NRXN3: variants seen among roughly 807,000 people sequenced by gnomAD.
NRXN3 encodes neurexin 3, also known as neurexin III.
Under a neutral mutation model 137.6 loss-of-function variants are expected in NRXN3, and 32 were observed. The ratio of observed to expected loss-of-function variants is 0.23; its 90% confidence interval spans 0.18 to 0.31. The LOEUF is 0.31. Among genes scored for constraint, NRXN3 ranks in the 10% least tolerant of loss-of-function variants. The probability of loss-of-function intolerance (pLI) is 1.00; values close to 1 mark genes in which losing one functional copy is unlikely to be tolerated. For synonymous variants in NRXN3, 798 were observed against 784.5 expected (o/e 1.02, Z -0.29); for missense variants, 1,574 against 2,062.5 (o/e 0.76, Z 4.59).
At chr14:79,461,891 T>G (rs2096348192) in intron 15 of NRXN3, among the ~76,000 whole-genome samples, 1 of 152,112 alleles carries the variant, frequency 6.6e-6, no homozygotes. Flanking sequence ...ACCTTACCAT[T>G]ATGAGATTTT....
chr14:79,221,017 T>G (rs1158440399), intron 15 of NRXN3, among the ~76,000 whole-genome samples: 1 of 152,058 alleles, frequency 6.6e-6, no homozygotes, highest in Admixed American at 6.6e-5. Flanking sequence ...GGTTTTCTGT[T>G]CCTGTATTAG....
intron 15 of NRXN3, among the ~76,000 whole-genome samples, chr14:79,431,259 T>A (rs1037486610): frequency 1.3e-5 from 2 of 152,228 alleles, no homozygotes; most frequent in African/African-American, 4.8e-5. Flanking sequence ...CAAGCTTGTG[T>A]AGACCTTTGT....
intron 4 of NRXN3, among the ~76,000 whole-genome samples, chr14:78,388,319 A>G (rs530349105): frequency 1.3e-5 from 2 of 152,320 alleles, no homozygotes; most frequent in African/African-American, 4.8e-5. Flanking sequence ...AATGGAGCCT[A>G]CAGCACTGTA....
At chr14:79,217,618 T>A (rs1219115306) in intron 15 of NRXN3, among the ~76,000 whole-genome samples, 1 of 152,168 alleles carries the variant, frequency 6.6e-6, no homozygotes, top group Non-Finnish European at 1.5e-5. Flanking sequence ...CTAGGCAGGT[T>A]AGCATACATA....
chr14:79,508,326 C>T (rs1476928056), intron 16 of NRXN3, among the ~76,000 whole-genome samples: 1 of 146,322 alleles, frequency 6.8e-6, no homozygotes, highest in Admixed American at 7.0e-5. Flanking sequence ...CCAGTGACTA[C>T]AGCCCTAAGG....
intron 15 of NRXN3, among the ~76,000 whole-genome samples, chr14:79,002,223 T>G (rs924018803): frequency 6.6e-6 from 1 of 152,164 alleles, no homozygotes; most frequent in Non-Finnish European, 1.5e-5. Flanking sequence ...GTATTTTTTA[T>G]TTTTAGTTCT....
At chr14:79,703,779 T>A (rs560131344) in intron 19 of NRXN3, among the ~76,000 whole-genome samples, 1 of 152,258 alleles carries the variant, frequency 6.6e-6, no homozygotes, top group East Asian at 1.9e-4. Flanking sequence ...TCAGTTTTAC[T>A]GTCTGTAAAA....
chr14:78,688,973 C>A (rs556735164), intron 6 of NRXN3, among the ~76,000 whole-genome samples: 1 of 151,958 alleles, frequency 6.6e-6, no homozygotes, highest in Non-Finnish European at 1.5e-5. Context: ...TTTCTATGTT[C>A]CTGGAAATAT....
Position 78,866,883 on chromosome 14 carries a change from C to T in NRXN3, c.2275+56539C>T, listed in dbSNP as rs183626793. ...CACGGTCTCGGCTCGTTGTAACCTC[C>T]GCCTCCCAGGTTCAAGCGATTCTCC... On this transcript the variant is annotated intron_variant, in intron 10 of 20. Transcript: ENST00000335750. Among the ~76,000 whole-genome samples the T allele has an allele frequency of 3.7e-3, 551 of 150,130 alleles. 2 individuals carry two copies. The highest frequency in any genetic ancestry group is 0.013 in the African/African-American group (508 of 40,630).
chr14:79,403,112 A>T (rs2153496503), intron 15 of NRXN3, among the ~76,000 whole-genome samples: 1 of 152,228 alleles, frequency 6.6e-6, no homozygotes, highest in Admixed American at 6.5e-5. Flanking sequence ...ACCATAGGCT[A>T]TGGGAGTCAG....
At chr14:79,345,203 C>CT (rs1353384786) in intron 15 of NRXN3, among the ~76,000 whole-genome samples, 9 of 152,012 alleles carry the variant, frequency 5.9e-5, no homozygotes, top group Non-Finnish European at 1.2e-4. Flanking sequence ...TTAAAGCAAA[C>CT]TAGTGTAGTT....
At chr14:79,073,052 A>G (rs2152722036) in intron 15 of NRXN3, among the ~76,000 whole-genome samples, 1 of 151,998 alleles carries the variant, frequency 6.6e-6, no homozygotes. Flanking sequence ...ACGCCTGGCT[A>G]ATTTTTGTAT....
intron 20 of NRXN3, among the ~76,000 whole-genome samples, chr14:79,843,515 A>G (rs1302265839): frequency 6.6e-6 from 1 of 152,166 alleles, no homozygotes; most frequent in African/African-American, 2.4e-5. Context: ...TTTTCTTATC[A>G]CAAAAGATTT....
chr14:78,826,820 G>T (rs937195315), intron 10 of NRXN3, among the ~76,000 whole-genome samples: 10 of 152,116 alleles, frequency 6.6e-5, no homozygotes, highest in African/African-American at 2.4e-4. Flanking sequence ...CATGGCTAAA[G>T]ATAAATTTGG....
At chr14:79,226,407 C>A (rs1230768672) in intron 15 of NRXN3, among the ~76,000 whole-genome samples, 1 of 152,080 alleles carries the variant, frequency 6.6e-6, no homozygotes, top group Non-Finnish European at 1.5e-5. Flanking sequence ...TTTATAGAAT[C>A]GTTTAGCATC....
At chr14:78,638,932 C>T (rs2097590119) in intron 4 of NRXN3, among the ~76,000 whole-genome samples, 1 of 152,132 alleles carries the variant, frequency 6.6e-6, no homozygotes, top group African/African-American at 2.4e-5. Context: ...ACTCTTTTGC[C>T]TTGGAGCCAT....
intron 3 of NRXN3, among the ~76,000 whole-genome samples, chr14:78,292,051 G>C (rs2075857720): frequency 6.6e-6 from 1 of 152,222 alleles, no homozygotes; most frequent in Non-Finnish European, 1.5e-5. Flanking sequence ...TTAAGGGGGA[G>C]ACAATATTAG....
At chr14:79,664,793 G>T (rs114365744) in intron 17 of NRXN3, among the ~76,000 whole-genome samples, 38 of 152,090 alleles carry the variant, frequency 2.5e-4, no homozygotes, top group Admixed American at 3.9e-4. Context: ...CTTCAGCAAA[G>T]GGCCATTGTT....
At chr14:78,320,387 G>A (rs2079182891) in intron 4 of NRXN3, among the ~76,000 whole-genome samples, 1 of 152,192 alleles carries the variant, frequency 6.6e-6, no homozygotes, top group Non-Finnish European at 1.5e-5. Context: ...CGTGGAGTGG[G>A]CGTTAATCTC....
Sources: allele counts gnomAD v4.1 joint callset (sites outside exome capture counted in the v4.1 genomes callset), GRCh38; gene constraint gnomAD v4.1.1; transcripts MANE v1.5; gene names NCBI Gene and HGNC (gene_info 2026-07-23, HGNC 2026-07-21).